The following LIMCH1 variants were observed in gnomAD, a reference collection of about 807,000 sequenced individuals.
LIMCH1 encodes LIM and calponin homology domains 1, also known as LIM and calponin homology domains-containing protein 1.
A neutral mutation model predicts 176.5 loss-of-function variants in LIMCH1; 113 were observed. The ratio of observed to expected loss-of-function variants is 0.64; its 90% confidence interval spans 0.55 to 0.75. LIMCH1 has a LOEUF of 0.75. LIMCH1 is among the 30% of genes least tolerant of loss of function. LIMCH1 has a pLI of 0.00. For synonymous variants in LIMCH1, 619 were observed against 645.9 expected (o/e 0.96, Z 0.63); for missense variants, 1,674 against 1,814.9 (o/e 0.92, Z 1.41).
chr4:41,667,571 A>C (rs1254184543), intron 21 of LIMCH1, among the ~76,000 whole-genome samples: 1 of 152,196 alleles, frequency 6.6e-6, no homozygotes, highest in Admixed American at 6.5e-5. Flanking sequence ...AGGGCCTATA[A>C]GAAGGTCTTA....
intron 1 of LIMCH1, among the ~76,000 whole-genome samples, chr4:41,441,607 G>A (rs2062711486): frequency 6.6e-6 from 1 of 152,156 alleles, no homozygotes; most frequent in Admixed American, 6.5e-5. Flanking sequence ...TTAGAAACAG[G>A]ATCTTTCACA....
chr4:41,592,185 T>C (rs182037985), intron 1 of LIMCH1, among the ~76,000 whole-genome samples: 168 of 152,348 alleles, frequency 1.1e-3, no homozygotes, highest in African/African-American at 3.9e-3. Flanking sequence ...TCTCTGAATA[T>C]GTTTTCCCAC....
upstream of LIMCH1, chr4:41,360,603 C>G (rs1298378914): frequency 3.8e-6 from 1 of 261,262 alleles, no homozygotes; most frequent in Non-Finnish European, 7.1e-6. The surrounding 1 kb of genome is among the most constrained non-coding windows in gnomAD (Gnocchi z 4.5). Flanking sequence ...GCTCCCGGCG[C>G]CTCCGCGCTC....
chr4:41,679,840 G>A (rs1714168373), intron 23 of LIMCH1, among the ~76,000 whole-genome samples, 166 bp from the exon 24 acceptor site: 1 of 152,174 alleles, frequency 6.6e-6, no homozygotes, highest in African/African-American at 2.4e-5. Context: ...ATGTTTGAGT[G>A]CCACAAAACC....
At chr4:41,534,523 A>G (rs1359303606), upstream of LIMCH1, among the ~76,000 whole-genome samples, 1 of 152,170 alleles carries the variant, frequency 6.6e-6, no homozygotes, top group Admixed American at 6.5e-5. Flanking sequence ...GAAAAGATGC[A>G]TTCTCTTTTG....
intron 1 of LIMCH1, among the ~76,000 whole-genome samples, chr4:41,575,710 T>C (rs1297005146): frequency 6.6e-6 from 1 of 152,218 alleles, no homozygotes; most frequent in Non-Finnish European, 1.5e-5. Context: ...GCTGTGTCTT[T>C]TTTTCCTGGA....
At chr4:41,604,804 G>A (rs1163112594) in intron 3 of LIMCH1, among the ~76,000 whole-genome samples, 1 of 152,024 alleles carries the variant, frequency 6.6e-6, no homozygotes, top group African/African-American at 2.4e-5. Context: ...TGGAAGTTTC[G>A]AGGGATTCAT....
At chr4:41,484,315 T>TAA (rs1449027420) in intron 1 of LIMCH1, among the ~76,000 whole-genome samples, 1 of 152,228 alleles carries the variant, frequency 6.6e-6, no homozygotes, top group Non-Finnish European at 1.5e-5. Flanking sequence ...ATTTTGGTCT[T>TAA]ACACCTTTTA....
chr4:41,536,386 A>G (rs956499610), upstream of LIMCH1, among the ~76,000 whole-genome samples: 3 of 152,202 alleles, frequency 2.0e-5, no homozygotes. Context: ...CTAGAATGTT[A>G]GGTCTACCTT....
At chr4:41,494,316 CACACATACATATATAT>C (rs1268703639) in intron 1 of LIMCH1, among the ~76,000 whole-genome samples, 3 of 148,952 alleles carry the variant, frequency 2.0e-5, no homozygotes, top group East Asian at 2.0e-4. Flanking sequence ...TATATATATA[CACACATACATATATAT>C]ACACATACAT....
Position 41,613,657 on chromosome 4 carries a change from C to T in LIMCH1, c.201C>T (p.Ser67=), listed in dbSNP as rs534516841. 4 of 1,613,378 alleles carry T rather than the reference C, an allele frequency of 2.5e-6. No homozygotes were observed. Among genetic ancestry groups the T allele is most frequent in the Non-Finnish European group, 3.4e-6 (4 of 1,179,380 alleles). The change falls in exon 5 of 32, where the codon AGC becomes AGT. Residue 67 remains serine (S), a synonymous_variant. Transcript: ENST00000503057. Reference sequence around the variant, plus strand: ...CAGATGTAGTCCTCAGGGGAAGCAGCGATGGTAGGTTGGAGTCTTAATAAA... The same window carrying T: ...CAGATGTAGTCCTCAGGGGAAGCAGTGATGGTAGGTTGGAGTCTTAATAAA... ...PSPDVVLRGS[S]DGRGSDSESD...
Position 41,400,629 on chromosome 4 carries a change from C to T in LIMCH1, c.96+39693C>T, listed in dbSNP as rs185515112. On this transcript the variant is annotated intron_variant, in intron 1 of 26. Coordinates refer to the LIMCH1 transcript ENST00000313860. ...ACCAGTAGTTAAAATGATTATTATG[C>T]GGTAATGCCAAGGGCTGTAGAATAG... Among the ~76,000 whole-genome samples, 322 of 152,128 alleles carry T rather than the reference C, an allele frequency of 2.1e-3. 2 individuals are homozygous for T. The highest frequency in any genetic ancestry group is 4.0e-3 in the Non-Finnish European group (269 of 68,008).
intron 3 of LIMCH1, among the ~76,000 whole-genome samples, chr4:41,526,243 A>T (rs1583503726): frequency 7.2e-6 from 1 of 138,600 alleles, no homozygotes; most frequent in Admixed American, 7.1e-5. Context: ...TTTCCTTTTC[A>T]CTTTGTCCTT....
At chr4:41,487,552 C>G (rs2069842417) in intron 1 of LIMCH1, among the ~76,000 whole-genome samples, 1 of 151,436 alleles carries the variant, frequency 6.6e-6, no homozygotes, top group Non-Finnish European at 1.5e-5. Flanking sequence ...GTATCAACCT[C>G]TACTTGAAAA....
chr4:41,651,598 C>A (rs1005159661), intron 18 of LIMCH1, among the ~76,000 whole-genome samples: 1 of 152,134 alleles, frequency 6.6e-6, no homozygotes, highest in South Asian at 2.1e-4. Flanking sequence ...CTTTTCCCCC[C>A]CTGTTTATTT....
At chr4:41,379,305 A>G (rs1414078036) in intron 1 of LIMCH1, among the ~76,000 whole-genome samples, 2 of 152,174 alleles carry the variant, frequency 1.3e-5, no homozygotes, top group African/African-American at 2.4e-5. Flanking sequence ...GGCAGGAGGT[A>G]TTAGTTCCTG....
rs539414302 is a variant in LIMCH1 at position 41,616,641 on chromosome 4, C to A, written c.206-2547C>A. ...AGCCACCTTAGTAGATTTCCATGTT[C>A]ACAGGGAGAAGTGAAGTCAAAACTT... is the stretch of plus-strand genomic sequence containing the variant. On this transcript the variant is annotated intron_variant, in intron 5 of 31. Transcript: ENST00000503057. 2.0e-5 allele frequency among the ~76,000 whole-genome samples: 3 copies of A among 152,262 alleles called. No individual in the cohort carries two copies. In the East Asian group the frequency reaches 5.8e-4, roughly 29 times the overall value.
At chr4:41,397,451 C>T (rs758629786) in intron 1 of LIMCH1, among the ~76,000 whole-genome samples, 77 of 151,472 alleles carry the variant, frequency 5.1e-4, no homozygotes, top group African/African-American at 1.1e-3. Context: ...TTTCAGAATA[C>T]GTTATATGGA....
At position 41,650,435 on chromosome 4, in the gene LIMCH1, G is replaced by A. The variant is rs373277567; in HGVS notation, c.2863G>A (p.Glu955Lys). 12 of 1,613,994 alleles carry A rather than the reference G, an allele frequency of 7.4e-6. No homozygotes were observed. In the African/African-American group the frequency reaches 1.3e-4, roughly 18 times the overall value. Residue 955 changes from glutamate (E) to lysine (K), a missense_variant, in exon 18 of 32, where the codon GAG becomes AAG. This residue lies in a region of LIMCH1 where 1,015 missense variants were observed against 1,102.5 expected (regional missense o/e 0.92). Coordinates refer to ENST00000503057, the MANE Select transcript of LIMCH1 (RefSeq NM_001330672.2). ...TGTGAATGGAGAGACGGTTCATAGA[G>A]AGGAGGAGAAGGAAAGAGAGTGTCC... ...VSVNGETVHR[E>K]EEKERECPTV...
Sources: allele counts gnomAD v4.1 joint callset (sites outside exome capture counted in the v4.1 genomes callset), GRCh38; gene constraint gnomAD v4.1.1; regional missense constraint gnomAD v4.1.1; non-coding constraint Gnocchi (gnomAD v3.1); transcripts MANE v1.5; gene names NCBI Gene and HGNC (gene_info 2026-07-23, HGNC 2026-07-21).